The following CA10 variants were observed in gnomAD, a reference collection of about 807,000 sequenced individuals.
CA10 encodes the protein carbonic anhydrase-related protein 10.
Under a neutral mutation model 44.2 loss-of-function variants are expected in CA10, and 14 were observed. The ratio of observed to expected loss-of-function variants is 0.32; its 90% CI spans 0.21 to 0.50. The LOEUF is 0.50. Ranked by LOEUF, CA10 falls within the 20% of genes least tolerant of loss-of-function variation. The pLI is 0.99. For missense variants in CA10, 350 were observed against 409.7 expected (o/e 0.85, Z 1.26); for synonymous variants, 159 against 141.6 (o/e 1.12, Z -0.87).
chr17:51,734,736 G>A (rs1016954268), intron 4 of CA10, among the ~76,000 whole-genome samples: 3 of 152,160 alleles, frequency 2.0e-5, no homozygotes, highest in Non-Finnish European at 2.9e-5. Flanking sequence ...AATTAAGTGT[G>A]GTTAGTAGGG....
chr17:51,887,466 T>C (rs1281890382), intron 3 of CA10, among the ~76,000 whole-genome samples: 2 of 152,174 alleles, frequency 1.3e-5, no homozygotes. Context: ...CAGAACTAAA[T>C]GTAGGCTTCA....
At chr17:52,079,087 C>T (rs1221992213) in intron 1 of CA10, among the ~76,000 whole-genome samples, 3 of 152,078 alleles carry the variant, frequency 2.0e-5, no homozygotes, top group Non-Finnish European at 4.4e-5. Context: ...GAGATCGAGA[C>T]CATCCTGGCT....
chr17:51,811,190 G>GAAAAA (rs35275627), intron 3 of CA10, among the ~76,000 whole-genome samples: 1 of 125,216 alleles, frequency 8.0e-6, no homozygotes, highest in African/African-American at 3.0e-5. Context: ...ACTCCATCTC[G>GAAAAA]AAAAAAAAAA....
At chr17:51,942,719 G>A (rs1175021002) in intron 2 of CA10, among the ~76,000 whole-genome samples, 3 of 151,924 alleles carry the variant, frequency 2.0e-5, no homozygotes, top group Non-Finnish European at 4.4e-5. Context: ...TGACATGAGA[G>A]CTTGGCAGAC....
At chr17:51,734,405 C>T (rs1916827237) in intron 4 of CA10, among the ~76,000 whole-genome samples, 1 of 152,142 alleles carries the variant, frequency 6.6e-6, no homozygotes, top group Admixed American at 6.5e-5. Context: ...TGCCAAAGGT[C>T]ACCTAGTCGT....
chr17:51,636,026 G>T lies in CA10; in HGVS notation c.635-17C>A. On this transcript the variant is annotated splice_polypyrimidine_tract_variant and intron_variant, in intron 6 of 8. Coordinates refer to ENST00000451037, the MANE Select transcript of CA10 (RefSeq NM_020178.5). The stretch of plus-strand genomic sequence containing the variant: ...ATGCATCATCTAGAGAAGGAAAGAA[G>T]ACTTAAAAATTAGGTTTCTTGAGAA... 6.5e-7 allele frequency: 1 copy of T among 1,529,296 alleles called. No individual in the cohort carries two copies. The highest frequency in any genetic ancestry group is 8.8e-7 in the Non-Finnish European group (1 of 1,131,026). The allele number at this position is 1,529,296 out of a possible 1,614,324, so 94.7% of individuals were successfully genotyped here. A position where few individuals can be genotyped will look rare whatever the true frequency, so the allele number is the denominator to read the frequency against.
chr17:51,899,747 A>G (rs1898260637), intron 3 of CA10, among the ~76,000 whole-genome samples: 2 of 152,004 alleles, frequency 1.3e-5, no homozygotes, highest in Non-Finnish European at 2.9e-5. Flanking sequence ...GGGTGCATAT[A>G]TATTCAGGTT....
chr17:51,881,562 CAT>C (rs1303466511), intron 3 of CA10, among the ~76,000 whole-genome samples: 1 of 151,690 alleles, frequency 6.6e-6, no homozygotes, highest in African/African-American at 2.4e-5. Flanking sequence ...AGTATAAAAA[CAT>C]AAAAATCAAT....
intron 2 of CA10, among the ~76,000 whole-genome samples, chr17:52,005,789 T>C (rs1031017458): frequency 5.9e-5 from 9 of 151,920 alleles, no homozygotes; most frequent in African/African-American, 1.9e-4. Context: ...TATTGACTTA[T>C]AATAATTAGT....
At chr17:51,877,425 G>T (rs1230662643) in intron 3 of CA10, among the ~76,000 whole-genome samples, 2 of 152,140 alleles carry the variant, frequency 1.3e-5, no homozygotes, top group African/African-American at 2.4e-5. Flanking sequence ...TGGCTCAAAA[G>T]GAGTTCAGAG....
chr17:51,839,318 C>G (rs1400241959), intron 3 of CA10, among the ~76,000 whole-genome samples: 1 of 151,794 alleles, frequency 6.6e-6, no homozygotes, highest in Non-Finnish European at 1.5e-5. Flanking sequence ...CGGTGAAACC[C>G]CGTCTCTACT....
At chr17:51,651,356 TAAA>T (rs1367515693) in intron 5 of CA10, among the ~76,000 whole-genome samples, 2 of 152,228 alleles carry the variant, frequency 1.3e-5, no homozygotes, top group Non-Finnish European at 2.9e-5. Flanking sequence ...AGTCACAGCT[TAAA>T]TAACTCATGG....
intron 3 of CA10, among the ~76,000 whole-genome samples, chr17:51,900,885 T>TTCATTTTGTC (rs1263049560): frequency 6.6e-6 from 1 of 152,206 alleles, no homozygotes; most frequent in Non-Finnish European, 1.5e-5. Flanking sequence ...TCTTAAAATA[T>TTCATTTTGTC]TCATTTTGTC....
chr17:51,949,772 G>A (rs1014222737), intron 2 of CA10, among the ~76,000 whole-genome samples: 1 of 152,076 alleles, frequency 6.6e-6, no homozygotes, highest in Non-Finnish European at 1.5e-5. Context: ...AGGAACCTTG[G>A]GCTAATCTTA....
Position 52,100,863 on chromosome 17 carries a change from T to C in CA10, c.62-28470A>G, listed in dbSNP as rs180881658. On this transcript the variant is annotated intron_variant, in intron 1 of 8. Transcript: ENST00000451037. ...TTTATTACATGCTTAGTAAGGTCTT[T>C]CTTGTACTGTATTATAGCTTTGGTA... is the stretch of plus-strand genomic sequence containing the variant. 9.3e-3 allele frequency among the ~76,000 whole-genome samples: 1,422 copies of C among 152,348 alleles called. 16 individuals are homozygous for C. The highest frequency in any genetic ancestry group is 0.036 in the Admixed American group (552 of 15,300).
chr17:51,715,684 C>T (rs2143506175), intron 4 of CA10, among the ~76,000 whole-genome samples: 1 of 152,046 alleles, frequency 6.6e-6, no homozygotes, highest in Middle Eastern at 3.4e-3. Flanking sequence ...AGAGAGTAGT[C>T]TTGTTCATTC....
chr17:51,830,195 C>CAAAAAAAAAAAAAAAAAAAAAAAAAA (rs1220410518), intron 3 of CA10, among the ~76,000 whole-genome samples: 2 of 89,986 alleles, frequency 2.2e-5, no homozygotes, highest in Admixed American at 1.0e-4. Context: ...GACTCCATCT[C>CAAAAAAAAAAAAAAAAAAAAAAAAAA]AAAAAAAAAA....
intron 2 of CA10, among the ~76,000 whole-genome samples, chr17:52,045,147 C>G (rs1038654986): frequency 6.6e-6 from 1 of 151,574 alleles, no homozygotes; most frequent in Non-Finnish European, 1.5e-5. Context: ...CAAAACAAAA[C>G]TAACTGATGC....
chr17:51,885,754 T>C (rs180798820), intron 3 of CA10, among the ~76,000 whole-genome samples: 1 of 152,338 alleles, frequency 6.6e-6, no homozygotes, highest in East Asian at 1.9e-4. Context: ...TATCTCTTCA[T>C]TTTTCCTTCA....
Sources: allele counts gnomAD v4.1 joint callset (sites outside exome capture counted in the v4.1 genomes callset), GRCh38; gene constraint gnomAD v4.1.1; transcripts MANE v1.5; gene names NCBI Gene and HGNC (gene_info 2026-07-23, HGNC 2026-07-21).